The following UGT2A1 variants were observed in gnomAD, a reference collection of about 807,000 sequenced individuals.
UGT2A1 encodes the protein UDP-glucuronosyltransferase 2A1.
UGT2A1 carries 61 observed loss-of-function variants against 45.4 expected under a neutral mutation model. The ratio of observed to expected loss-of-function variants is 1.34; its 90% CI spans 1.09 to 1.66. The LOEUF (loss-of-function observed/expected upper bound fraction) is 1.66, where lower values mean the gene tolerates loss of function less well. Among genes scored for constraint, UGT2A1 ranks in the 40% most tolerant of loss-of-function variants. The pLI, the probability that UGT2A1 is intolerant of heterozygous loss-of-function variation, is 0.00. For missense variants in UGT2A1, 649 were observed against 574.3 expected, an observed-to-expected ratio of 1.13 and a Z score of -1.33; for synonymous variants, 229 against 196.2, an observed-to-expected ratio of 1.17 and a Z score of -1.40.
chr4:69,639,435 A>T (rs763063281), intron 2 of UGT2A1: 13 of 1,613,148 alleles, frequency 8.1e-6, no homozygotes, highest in Non-Finnish European at 1.1e-5. Flanking sequence ...GGAGTTGATG[A>T]ATAGAGTTGC....
intron 3 of UGT2A1, among the ~76,000 whole-genome samples, chr4:69,627,851 C>T (rs950652240): frequency 1.3e-5 from 2 of 151,568 alleles, no homozygotes; most frequent in Non-Finnish European, 2.9e-5. Flanking sequence ...ATGTCATAGA[C>T]AATATTACAG....
At position 69,647,617 on chromosome 4, in the gene UGT2A1, G is replaced by A. The variant is rs144395851; in HGVS notation, c.28C>T (p.Leu10Phe). ...GTGGTTCCTATGAGACTTATCTGAAGGGAGAACAGCAGAAGGTTGTTTAAC... is the reference window on the plus strand; with the variant it reads ...GTGGTTCCTATGAGACTTATCTGAAAGGAGAACAGCAGAAGGTTGTTTAAC... The part of the protein sequence containing the change: MLNNLLLFS[L>F]QISLIGTTLG... The change falls in exon 2 of 7, where the codon CTT becomes TTT. Residue 10 changes from leucine (L) to phenylalanine (F), a missense_variant. Transcript: ENST00000286604. The A allele has an allele frequency of 6.3e-7, 1 of 1,594,818 alleles. No individual in the cohort carries two copies. The highest frequency in any genetic ancestry group is 8.5e-7 in the Non-Finnish European group (1 of 1,171,696).
intron 2 of UGT2A1, among the ~76,000 whole-genome samples, chr4:69,645,715 C>T (rs924576129): frequency 2.0e-5 from 3 of 151,638 alleles, no homozygotes; most frequent in Non-Finnish European, 4.4e-5. Flanking sequence ...TCCTGAATTG[C>T]TTATTAGATT....
chr4:69,602,278 C>T (rs890522099), intron 3 of UGT2A1, among the ~76,000 whole-genome samples: 1 of 136,558 alleles, frequency 7.3e-6, no homozygotes, highest in Non-Finnish European at 1.6e-5. Flanking sequence ...AATTTCTTTA[C>T]ACCAACAAAG....
chr4:69,607,784 G>T (rs1178250811), intron 3 of UGT2A1, among the ~76,000 whole-genome samples: 1 of 152,084 alleles, frequency 6.6e-6, no homozygotes, highest in East Asian at 1.9e-4. Flanking sequence ...CTTCTCAAAA[G>T]AAGACATTTA....
At chr4:69,650,704 T>G (rs1250360346) in intron 1 of UGT2A1, among the ~76,000 whole-genome samples, 1 of 152,018 alleles carries the variant, frequency 6.6e-6, no homozygotes, top group Non-Finnish European at 1.5e-5. Flanking sequence ...TTACCTGGAG[T>G]AAAAGTGACG....
chr4:69,651,735 C>T (rs2109985430), intron 1 of UGT2A1, among the ~76,000 whole-genome samples: 1 of 152,308 alleles, frequency 6.6e-6, no homozygotes, highest in African/African-American at 2.4e-5. Context: ...AGAGGAGCGA[C>T]TGCCTGGGCA....
intron 3 of UGT2A1, among the ~76,000 whole-genome samples, chr4:69,607,204 C>CTGGTACCAAAACAGCATGGTAA (rs1719683397): frequency 6.7e-6 from 1 of 150,374 alleles, no homozygotes. Context: ...CAGCATGGTA[C>CTGGTACCAAAACAGCATGGTAA]TGGTACCAAA....
chr4:69,592,027 C>T (rs759186161), intron 6 of UGT2A1, among the ~76,000 whole-genome samples: 2 of 152,090 alleles, frequency 1.3e-5, no homozygotes, highest in African/African-American at 4.8e-5. Context: ...AGTGGACAAC[C>T]AGGGCTGAGT....
rs1158096760 is a variant in UGT2A1 at position 69,604,906 on chromosome 4, C to T, written c.848-5512G>A. ...TATATATGCACCCAATACAGGAGCA[C>T]CCAGATTCATAAAGCAAGTCCTTAG... On this transcript the variant is annotated intron_variant, in intron 3 of 6. Coordinates refer to ENST00000286604, the MANE Select transcript of UGT2A1 (RefSeq NM_001252275.3). 3.7e-5 allele frequency among the ~76,000 whole-genome samples: 5 copies of T among 136,482 alleles called. 1 individual carries two copies. Among genetic ancestry groups the T allele is most frequent in the Non-Finnish European group, 7.8e-5 (5 of 64,180 alleles). 89.5% of individuals were successfully genotyped at this position (136,482 alleles called of 152,430 possible).
At chr4:69,620,969 A>T (rs1720718881) in intron 3 of UGT2A1, among the ~76,000 whole-genome samples, 1 of 152,108 alleles carries the variant, frequency 6.6e-6, no homozygotes, top group African/African-American at 2.4e-5. Context: ...CCAAAACTGG[A>T]CCCCTTTCTT....
At chr4:69,639,434 G>T (rs553411785) in intron 2 of UGT2A1, 11 of 1,613,174 alleles carry the variant, frequency 6.8e-6, no homozygotes, top group Non-Finnish European at 9.3e-6. Flanking sequence ...TGGAGTTGAT[G>T]AATAGAGTTG....
Position 69,647,672 on chromosome 4 carries a change from G to T in UGT2A1, c.-28C>A. 1 of 1,404,310 alleles carries T rather than the reference G, an allele frequency of 7.1e-7. No individual in the cohort carries two copies. The highest frequency in any genetic ancestry group is 9.6e-7 in the Non-Finnish European group (1 of 1,044,442). 87.0% of individuals were successfully genotyped at this position (1,404,310 alleles called of 1,614,324 possible). ...TGTGGCTTGATGCAGAAGATTTGAT[G>T]AGATGTGAAGCAAATGTTTTTCTCT... On this transcript the variant is annotated 5_prime_UTR_variant, in exon 2 of 7. An upstream open reading frame in the 5' UTR gains an earlier in-frame stop. Coordinates refer to ENST00000286604, the MANE Select transcript of UGT2A1 (RefSeq NM_001252275.3).
intron 3 of UGT2A1, among the ~76,000 whole-genome samples, chr4:69,613,054 TA>T (rs71206001): frequency 0.4 from 59,789 of 151,350 alleles, 12,098 homozygotes; most frequent in African/African-American, 0.48. Context: ...ATAACCTCAC[TA>T]AAAAAGACAG....
At position 69,647,236 on chromosome 4, in the gene UGT2A1, C is replaced by T; in HGVS notation, c.409G>A (p.Ala137Thr). Residue 137 changes from alanine (A) to threonine (T), a missense_variant, in exon 2 of 7, where the codon GCA becomes ACA. Transcript: ENST00000286604. ...TCAAACTTGCTTTTCTTTAGCTTTGCCATCAGCTGTTGGTTTTTAAGAACG... is the reference window on the plus strand; with the variant it reads ...TCAAACTTGCTTTTCTTTAGCTTTGTCATCAGCTGTTGGTTTTTAAGAACG... ...DGVLKNQQLM[A>T]KLKKSKFEVL... 1 of 1,613,302 alleles carries T rather than the reference C, an allele frequency of 6.2e-7. No homozygotes were observed. The highest frequency in any genetic ancestry group is 8.5e-7 in the Non-Finnish European group (1 of 1,179,480).
At chr4:69,630,773 C>A (rs945625877) in intron 3 of UGT2A1, among the ~76,000 whole-genome samples, 1 of 152,004 alleles carries the variant, frequency 6.6e-6, no homozygotes, top group East Asian at 1.9e-4. Flanking sequence ...AAAGGTGAAA[C>A]CGTGAATGCA....
intron 1 of UGT2A1, among the ~76,000 whole-genome samples, chr4:69,650,407 TA>T (rs1351449721): frequency 3.9e-5 from 6 of 152,138 alleles, no homozygotes; most frequent in African/African-American, 4.8e-5. Flanking sequence ...AGCAAGATAT[TA>T]AAAACATAAT....
chr4:69,641,798 T>C (rs952150407), intron 2 of UGT2A1, among the ~76,000 whole-genome samples: 1 of 151,836 alleles, frequency 6.6e-6, no homozygotes, highest in Non-Finnish European at 1.5e-5. Context: ...ACCTATTTCC[T>C]ATAGTTCTGG....
At chr4:69,589,681 G>A (rs1165093909) in intron 6 of UGT2A1, 30 bp from the exon 7 acceptor site, 2 of 1,564,178 alleles carry the variant, frequency 1.3e-6, no homozygotes. Flanking sequence ...GCAGAAATTA[G>A]ACAATTTTTG....
Sources: allele counts gnomAD v4.1 joint callset (sites outside exome capture counted in the v4.1 genomes callset), GRCh38; gene constraint gnomAD v4.1.1; transcripts MANE v1.5; gene names NCBI Gene and HGNC (gene_info 2026-07-23, HGNC 2026-07-21).